Variants in EGFLAM observed in about 807,000 individuals in gnomAD.
EGFLAM encodes pikachurin.
In EGFLAM, 79 loss-of-function variants were observed where a neutral mutation model predicts 113.1. That is an observed-to-expected ratio of 0.70 (90% CI 0.58 to 0.84). The LOEUF is 0.84. Among genes scored for constraint, EGFLAM ranks in the 40% least tolerant of loss-of-function variants. The probability of loss-of-function intolerance (pLI) is 0.00; values close to 1 mark genes in which losing one functional copy is unlikely to be tolerated. For missense variants in EGFLAM, 1,265 were observed against 1,291.6 expected (o/e 0.98, Z 0.32); for synonymous variants, 504 against 487.6 (o/e 1.03, Z -0.44).
rs1743433884 is a variant in EGFLAM, at chr5:38,465,338, T to C, written c.*1352T>C. 6.6e-6 allele frequency among the ~76,000 whole-genome samples: 1 copy of C among 152,262 alleles called. No homozygotes were observed. Among genetic ancestry groups the C allele is most frequent in the Non-Finnish European group, 1.5e-5 (1 of 68,046 alleles). On this transcript the variant is annotated 3_prime_UTR_variant, in exon 22 of 22. Transcript: ENST00000322350. ...AGGGGGTGAAATATGATCTAACTTA[T>C]GCAAGAGCCTATAATTAGTCCCAGT...
intron 6 of EGFLAM, among the ~76,000 whole-genome samples, chr5:38,382,334 A>C (rs556127482): frequency 5.9e-5 from 9 of 152,354 alleles, no homozygotes; most frequent in African/African-American, 2.2e-4. Flanking sequence ...CACAAAATTT[A>C]ATAACAATGT....
chr5:38,370,326 C>A lies in EGFLAM; in HGVS notation c.576C>A (p.Ile192=), dbSNP rs1432229417. ...ATTTCGACAAGAAGTGGACCTCAAT[C>A]CATGAGCGGATCCAGATGGACTCCA... ...RPDFDKKWTS[I]HERIQMDSMV... Residue 192 remains isoleucine, a synonymous_variant, in exon 6 of 22, where the codon ATC becomes ATA. Transcript: ENST00000322350. 1 of 1,614,086 alleles carries A rather than the reference C, an allele frequency of 6.2e-7. No homozygotes were observed. Among genetic ancestry groups the A allele is most frequent in the African/African-American group, 1.3e-5 (1 of 74,954 alleles).
intron 6 of EGFLAM, chr5:38,403,961 T>C (rs1323331042): frequency 3.1e-6 from 5 of 1,611,696 alleles, no homozygotes; most frequent in East Asian, 2.2e-5. Flanking sequence ...AACTGGGGAA[T>C]TGGTGTGGAA....
At chr5:38,419,748 G>T (rs1741767560) in intron 12 of EGFLAM, among the ~76,000 whole-genome samples, 1 of 152,172 alleles carries the variant, frequency 6.6e-6, no homozygotes, top group Non-Finnish European at 1.5e-5. Context: ...AACCAATGGG[G>T]CTGGGCACAG....
chr5:38,426,897 C>T (rs1427352499), intron 13 of EGFLAM, 112 bp from the exon 14 acceptor site: 8 of 1,474,162 alleles, frequency 5.4e-6, no homozygotes, highest in Non-Finnish European at 7.3e-6. Context: ...TGCAGGGCTG[C>T]TGGGAATTGT....
At chr5:38,332,882 C>T (rs1329212705) in intron 1 of EGFLAM, among the ~76,000 whole-genome samples, 3 of 152,212 alleles carry the variant, frequency 2.0e-5, no homozygotes, top group Non-Finnish European at 4.4e-5. Context: ...GCGTCATAGC[C>T]ATCATGAACA....
intron 17 of EGFLAM, among the ~76,000 whole-genome samples, chr5:38,442,117 G>A (rs1335021586): frequency 6.6e-6 from 1 of 151,956 alleles, no homozygotes; most frequent in African/African-American, 2.4e-5. Flanking sequence ...TGATTTGGGT[G>A]ATTTTGTTTG....
At chr5:38,365,982 T>G (rs913439927) in intron 5 of EGFLAM, among the ~76,000 whole-genome samples, 2 of 152,184 alleles carry the variant, frequency 1.3e-5, no homozygotes, top group Admixed American at 1.3e-4. Flanking sequence ...CATTCCTAAT[T>G]GACATCAAAA....
intron 1 of EGFLAM, among the ~76,000 whole-genome samples, chr5:38,336,466 C>CG (rs762622582): frequency 2.0e-5 from 3 of 151,950 alleles, no homozygotes; most frequent in African/African-American, 7.3e-5. Context: ...CCCAGCTACT[C>CG]CGGAGGCTGA....
chr5:38,377,670 C>T (rs2589777), intron 6 of EGFLAM, among the ~76,000 whole-genome samples: 5,835 of 152,008 alleles, frequency 0.038, 131 homozygotes, highest in East Asian at 0.06. Context: ...TGGCAAGGTT[C>T]GCAGGCAAAA....
intron 17 of EGFLAM, among the ~76,000 whole-genome samples, chr5:38,442,361 TA>T (rs1234082124): frequency 1.0e-4 from 15 of 147,872 alleles, no homozygotes; most frequent in Admixed American, 6.1e-4. Context: ...TAAATTATAT[TA>T]ACATAATATG....
At chr5:38,309,325 G>C (rs568106641) in intron 1 of EGFLAM, among the ~76,000 whole-genome samples, 38 of 152,296 alleles carry the variant, frequency 2.5e-4, no homozygotes, top group Middle Eastern at 3.4e-3. Flanking sequence ...TACAAATTGG[G>C]TCTTTCGGAA....
intron 17 of EGFLAM, among the ~76,000 whole-genome samples, chr5:38,440,309 C>G (rs1361493141): frequency 6.6e-6 from 1 of 152,156 alleles, no homozygotes; most frequent in Non-Finnish European, 1.5e-5. Context: ...AGATGGCAAC[C>G]TTTCCAAATC....
At chr5:38,340,634 G>A (rs1374689502) in intron 3 of EGFLAM, among the ~76,000 whole-genome samples, 2 of 152,194 alleles carry the variant, frequency 1.3e-5, no homozygotes, top group Non-Finnish European at 2.9e-5. Flanking sequence ...AGGGTTTGAA[G>A]AGGGATAGGT....
At chr5:38,433,507 T>C (rs1487168624) in intron 15 of EGFLAM, among the ~76,000 whole-genome samples, 3 of 152,214 alleles carry the variant, frequency 2.0e-5, no homozygotes, top group Admixed American at 2.0e-4. Flanking sequence ...GCGGTCCCCC[T>C]TGGGCATGGC....
At position 38,350,512 on chromosome 5, in the gene EGFLAM, T is replaced by C. The variant is rs769023632; in HGVS notation, c.303T>C (p.Ile101=). The C allele has an allele frequency of 6.2e-7, 1 of 1,613,844 alleles. No individual in the cohort carries two copies. The highest frequency in any genetic ancestry group is 8.5e-7 in the Non-Finnish European group (1 of 1,179,864). The change falls in exon 4 of 22, where the codon ATT becomes ATC. Residue 101 remains isoleucine (I), a synonymous_variant. Transcript: ENST00000322350. ...SRDIPTTEEV[I]GDLKPGTEYR... is the part of the protein sequence containing the mutation. ...TTGGTCATTGACAGGAGGAAGTGAT[T>C]GGAGATTTGAAACCAGGCACTGAAT...
At chr5:38,263,186 G>T (rs1043154576) in intron 1 of EGFLAM, among the ~76,000 whole-genome samples, 3 of 152,166 alleles carry the variant, frequency 2.0e-5, no homozygotes, top group Non-Finnish European at 4.4e-5. Flanking sequence ...TGTTTGCCGG[G>T]CATGGTGGCC....
chr5:38,461,208 C>T (rs1743260499), intron 20 of EGFLAM: 1 of 152,182 alleles, frequency 6.6e-6, no homozygotes, highest in East Asian at 1.9e-4. Context: ...TGAAGCTCCA[C>T]AGATTCACTG....
At chr5:38,288,426 T>C (rs1758223344) in intron 1 of EGFLAM, among the ~76,000 whole-genome samples, 1 of 152,240 alleles carries the variant, frequency 6.6e-6, no homozygotes, top group African/African-American at 2.4e-5. Flanking sequence ...CTATTATGCA[T>C]ATTATTATTC....
Sources: allele counts gnomAD v4.1 joint callset (sites outside exome capture counted in the v4.1 genomes callset), GRCh38; gene constraint gnomAD v4.1.1; transcripts MANE v1.5; gene names NCBI Gene and HGNC (gene_info 2026-07-23, HGNC 2026-07-21).